TOGARAM1: variants seen among roughly 807,000 people sequenced by gnomAD.
The protein encoded by TOGARAM1 is TOG array regulator of axonemal microtubules protein 1.
Under a neutral mutation model 166.6 loss-of-function variants are expected in TOGARAM1, and 100 were observed. That is an observed-to-expected ratio of 0.60 (90% CI 0.51 to 0.71). The LOEUF (loss-of-function observed/expected upper bound fraction) is 0.71. Among genes scored for constraint, TOGARAM1 ranks in the 30% least tolerant of loss-of-function variants. The pLI is 0.00. For missense variants in TOGARAM1, 2,029 were observed against 2,102.7 expected (o/e 0.96, Z 0.69); for synonymous variants, 758 against 763.8 (o/e 0.99, Z 0.13).
intron 1 of TOGARAM1, among the ~76,000 whole-genome samples, chr14:44,993,394 T>C (rs1485859478): frequency 2.6e-5 from 4 of 152,186 alleles, no homozygotes; most frequent in African/African-American, 9.6e-5. Context: ...CTTGCTTTTT[T>C]ATAATGTTTT....
intron 8 of TOGARAM1, 57 bp from the exon 9 acceptor site, chr14:45,027,242 G>T: frequency 6.4e-7 from 1 of 1,563,922 alleles, no homozygotes; most frequent in Non-Finnish European, 8.7e-7. Context: ...AAACTTTGTT[G>T]TCTAGAGTAC....
intron 1 of TOGARAM1, among the ~76,000 whole-genome samples, chr14:44,990,609 CTT>C (rs1273967873): frequency 6.6e-6 from 1 of 152,170 alleles, no homozygotes; most frequent in Non-Finnish European, 1.5e-5. Flanking sequence ...TTTTTCCTCT[CTT>C]TGATCAGTCC....
At position 45,011,815 on chromosome 14, in the gene TOGARAM1, ACACACACACTGTTAGC is replaced by A. The variant is rs566045566; in HGVS notation, c.3138-157_3138-142del. 380 of 518,674 alleles carry A rather than the reference ACACACACACTGTTAGC, an allele frequency of 7.3e-4. 2 individuals are homozygous for A. The African/African-American group carries it at 7.9e-3, about 11-fold the overall frequency. The allele number at this position is 518,674 out of a possible 1,614,324, so 32.1% of individuals were successfully genotyped here. On this transcript the variant is annotated intron_variant, in intron 6 of 19. Transcript: ENST00000361462. ...TGTGTGTGTGTGTGTGTGTGTGTATACACACACACTGTTAGCCATAGTTTTTCAAGTGTCATACTTA... is the reference window on the plus strand; with the variant it reads ...TGTGTGTGTGTGTGTGTGTGTGTATACATAGTTTTTCAAGTGTCATACTTA...
chr14:45,059,588 G>A (rs887780469), intron 16 of TOGARAM1, among the ~76,000 whole-genome samples: 59 of 151,998 alleles, frequency 3.9e-4, no homozygotes, highest in African/African-American at 1.4e-3. Context: ...AGGCAGAGGC[G>A]GAAGTTGCAG....
At chr14:45,026,530 C>G (rs1035110341) in intron 8 of TOGARAM1, among the ~76,000 whole-genome samples, 2 of 152,122 alleles carry the variant, frequency 1.3e-5, no homozygotes, top group African/African-American at 4.8e-5. Context: ...TTCTGTTATT[C>G]CTTTATTTGC....
At chr14:44,970,415 CATTT>C (rs1357490760) in intron 1 of TOGARAM1, among the ~76,000 whole-genome samples, 2 of 152,142 alleles carry the variant, frequency 1.3e-5, no homozygotes, top group Non-Finnish European at 2.9e-5. Context: ...ATAATATAAT[CATTT>C]ATTATTCGCA....
At chr14:45,002,941 T>A (rs775946151) in intron 3 of TOGARAM1, among the ~76,000 whole-genome samples, 2 of 152,034 alleles carry the variant, frequency 1.3e-5, no homozygotes, top group Admixed American at 6.5e-5. Flanking sequence ...ATCGTGCCAC[T>A]GCACTCCAGC....
Position 45,048,286 on chromosome 14 carries a change from A to C in TOGARAM1, c.4313+1583A>C, listed in dbSNP as rs1594691267. Among the ~76,000 whole-genome samples, 5 of 146,308 alleles carry C rather than the reference A, an allele frequency of 3.4e-5. No individual in the cohort carries two copies. In the Admixed American group the frequency reaches 3.4e-4, roughly 10 times the overall value. ...AGAATCTCTTCAGCCACTGCACTCC[A>C]GCCTAGAGACAGAGCAAGACTCCAT... On this transcript the variant is annotated intron_variant, in intron 14 of 19. Transcript: ENST00000361462.
At chr14:44,974,780 A>G (rs1886089446) in intron 1 of TOGARAM1, among the ~76,000 whole-genome samples, 1 of 150,234 alleles carries the variant, frequency 6.7e-6, no homozygotes. Context: ...CTGGAAAAAA[A>G]AGTTAATACA....
chr14:44,977,886 G>C (rs1159120948), intron 1 of TOGARAM1, among the ~76,000 whole-genome samples: 1 of 151,994 alleles, frequency 6.6e-6, no homozygotes, highest in Non-Finnish European at 1.5e-5. Context: ...CTGAGCTCAA[G>C]CAATCCTCCC....
chr14:45,046,571 GTAC>G lies in TOGARAM1; in HGVS notation c.4182_4184del (p.Cys1394_Thr1395delinsTer), dbSNP rs1882077618. Reference sequence around the variant, plus strand: ...CATTTACACATTGCTGTAAGAAGGTGTACAGCCCAGCATTTATCAGATGTATTG... The same window carrying G: ...CATTTACACATTGCTGTAAGAAGGTGAGCCCAGCATTTATCAGATGTATTG... On this transcript the variant is annotated stop_gained and inframe_deletion, in exon 14 of 20. Coordinates refer to ENST00000361462, the MANE Select transcript of TOGARAM1 (RefSeq NM_001308120.2). LOFTEE classifies it high-confidence loss of function. 9 of 1,350,562 alleles carry G rather than the reference GTAC, an allele frequency of 6.7e-6. No homozygotes were observed. Among genetic ancestry groups the G allele is most frequent in the Non-Finnish European group, 8.6e-6 (9 of 1,044,506 alleles). The allele number at this position is 1,350,562 out of a possible 1,614,324, so 83.7% of individuals were successfully genotyped here. A position where few individuals can be genotyped will look rare whatever the true frequency, so the allele number is the denominator to read the frequency against.
chr14:45,050,583 C>G (rs1882312961), intron 14 of TOGARAM1, among the ~76,000 whole-genome samples: 2 of 151,480 alleles, frequency 1.3e-5, no homozygotes, highest in East Asian at 1.9e-4. Context: ...CATCCTGTAT[C>G]CCCCCAATCC....
At chr14:45,041,338 T>C (rs955259557) in intron 11 of TOGARAM1, among the ~76,000 whole-genome samples, 7 of 151,980 alleles carry the variant, frequency 4.6e-5, no homozygotes, top group African/African-American at 1.5e-4. Flanking sequence ...GAGGTGGTGG[T>C]TGCAGTGAGC....
At chr14:45,059,728 C>G (rs1019577709) in intron 16 of TOGARAM1, among the ~76,000 whole-genome samples, 6 of 151,970 alleles carry the variant, frequency 3.9e-5, no homozygotes, top group Non-Finnish European at 7.4e-5. Flanking sequence ...ACATCATATT[C>G]ATAGTATACA....
chr14:45,043,212 T>C (rs980063959), intron 11 of TOGARAM1, among the ~76,000 whole-genome samples: 6 of 151,998 alleles, frequency 3.9e-5, no homozygotes, highest in African/African-American at 1.4e-4. Context: ...GAGTCTTGCT[T>C]TGTCATCCAG....
At chr14:45,013,456 A>C (rs183398969) in intron 7 of TOGARAM1, among the ~76,000 whole-genome samples, 1 of 152,304 alleles carries the variant, frequency 6.6e-6, no homozygotes, top group African/African-American at 2.4e-5. Context: ...GCATAAAACT[A>C]GTGTTAACAA....
At chr14:44,985,075 G>A (rs1407927192) in intron 1 of TOGARAM1, among the ~76,000 whole-genome samples, 4 of 151,606 alleles carry the variant, frequency 2.6e-5, no homozygotes, top group African/African-American at 9.7e-5. Flanking sequence ...GTGCAGTGGC[G>A]CAATCTTGGC....
intron 1 of TOGARAM1, among the ~76,000 whole-genome samples, chr14:44,978,527 A>G (rs1886337672): frequency 6.6e-6 from 1 of 152,220 alleles, no homozygotes; most frequent in Non-Finnish European, 1.5e-5. Flanking sequence ...GATCAAAACC[A>G]GGAGCAGTGG....
Position 44,966,555 on chromosome 14 carries a change from C to A in TOGARAM1, c.2046+2088C>A, listed in dbSNP as rs111053517. ...GTGACATTTCTTCTCTGTTTACTAC[C>A]TGCAATTCTTTTTTTCTTGTATGTG... is the stretch of plus-strand genomic sequence containing the variant. On this transcript the variant is annotated intron_variant, in intron 1 of 19. Transcript: ENST00000361462. 2.4e-4 allele frequency among the ~76,000 whole-genome samples: 36 copies of A among 152,098 alleles called. No homozygotes were observed. In the East Asian group the frequency reaches 6.2e-3, roughly 26 times the overall value.
Sources: allele counts gnomAD v4.1 joint callset (sites outside exome capture counted in the v4.1 genomes callset), GRCh38; gene constraint gnomAD v4.1.1; transcripts MANE v1.5; gene names NCBI Gene and HGNC (gene_info 2026-07-23, HGNC 2026-07-21).